Variants in ADORA2B observed in about 807,000 individuals in gnomAD.
ADORA2B encodes the protein adenosine receptor A2b.
In ADORA2B, 18 loss-of-function variants were observed where a neutral mutation model predicts 20.8. The ratio of observed to expected loss-of-function variants is 0.87; its 90% CI spans 0.60 to 1.29. The LOEUF (loss-of-function observed/expected upper bound fraction) is 1.29. Among genes scored for constraint, ADORA2B ranks in the 50% most tolerant of loss-of-function variants. The probability of loss-of-function intolerance (pLI) is 0.00; values close to 1 mark genes in which losing one functional copy is unlikely to be tolerated. For missense variants in ADORA2B, 441 were observed against 422.7 expected (o/e 1.04, Z -0.38); for synonymous variants, 179 against 178.3 (o/e 1.00, Z -0.03).
intron 1 of ADORA2B, among the ~76,000 whole-genome samples, chr17:15,960,963 T>G (rs563604890): frequency 6.7e-5 from 10 of 149,132 alleles, no homozygotes; most frequent in Non-Finnish European, 1.5e-4. Flanking sequence ...TTCAGGAGAT[T>G]GAGACCATCC....
chr17:15,876,941 TC>T, the ADORA2B span, among the ~76,000 whole-genome samples: 1 of 152,190 alleles, frequency 6.6e-6, no homozygotes, highest in Non-Finnish European at 1.5e-5. Context: ...CAGCCACCAT[TC>T]TACTTTGTAT....
the ADORA2B span, among the ~76,000 whole-genome samples, chr17:15,911,300 T>C: frequency 6.6e-6 from 1 of 152,262 alleles, no homozygotes; most frequent in Non-Finnish European, 1.5e-5. Flanking sequence ...GCTTCTACTT[T>C]GCCTGCTATT....
At chr17:15,960,667 C>G (rs904947878) in intron 1 of ADORA2B, among the ~76,000 whole-genome samples, 1 of 150,804 alleles carries the variant, frequency 6.6e-6, no homozygotes, top group Non-Finnish European at 1.5e-5. Context: ...GTCAGGAGAT[C>G]GAGACCATCC....
chr17:15,962,493 G>A (rs1410426875), intron 1 of ADORA2B, among the ~76,000 whole-genome samples: 1 of 151,504 alleles, frequency 6.6e-6, no homozygotes, highest in Non-Finnish European at 1.5e-5. Context: ...TTCATTAAAC[G>A]AGTTATAATC....
intron 1 of ADORA2B, among the ~76,000 whole-genome samples, chr17:15,963,987 C>T (rs934542965): frequency 6.6e-6 from 1 of 152,198 alleles, no homozygotes; most frequent in African/African-American, 2.4e-5. Flanking sequence ...GCCAGAGCAG[C>T]CCGGGGCCAG....
the ADORA2B span, among the ~76,000 whole-genome samples, chr17:15,897,794 A>G: frequency 6.6e-6 from 1 of 152,186 alleles, no homozygotes; most frequent in Non-Finnish European, 1.5e-5. Context: ...AATCTAAGAA[A>G]TGAGAAAGTG....
At chr17:15,864,629 G>A in the ADORA2B span, among the ~76,000 whole-genome samples, 1 of 152,236 alleles carries the variant, frequency 6.6e-6, no homozygotes, top group East Asian at 1.9e-4. Flanking sequence ...GGTAGAGAAC[G>A]TGAGGGGGAG....
At chr17:15,872,300 C>A in the ADORA2B span, among the ~76,000 whole-genome samples, 2 of 152,156 alleles carry the variant, frequency 1.3e-5, no homozygotes, top group Non-Finnish European at 2.9e-5. Flanking sequence ...ATACCAGTAC[C>A]ATGCCGTTTT....
chr17:15,905,565 A>G, the ADORA2B span, among the ~76,000 whole-genome samples: 1 of 151,208 alleles, frequency 6.6e-6, no homozygotes, highest in Admixed American at 6.6e-5. Flanking sequence ...TATTTTTAGT[A>G]GAGACGGGTT....
the ADORA2B span, among the ~76,000 whole-genome samples, chr17:15,900,337 G>A: frequency 1.1e-4 from 16 of 152,316 alleles, no homozygotes; most frequent in East Asian, 2.9e-3. Flanking sequence ...TCTCCGAATC[G>A]CTTTCCACAG....
chr17:15,930,790 A>C, the ADORA2B span, among the ~76,000 whole-genome samples: 3 of 152,220 alleles, frequency 2.0e-5, no homozygotes, highest in Non-Finnish European at 4.4e-5. Context: ...CCTCAGTCTC[A>C]AGTGCCAAAT....
At chr17:15,858,102 A>G in the ADORA2B span, among the ~76,000 whole-genome samples, 3 of 151,448 alleles carry the variant, frequency 2.0e-5, no homozygotes, top group Non-Finnish European at 4.4e-5. Flanking sequence ...TTCTGTTTTC[A>G]ATTCTTTGGG....
chr17:15,911,984 G>A, the ADORA2B span, among the ~76,000 whole-genome samples: 13 of 152,212 alleles, frequency 8.5e-5, no homozygotes, highest in South Asian at 8.3e-4. Context: ...AGGCCAACGC[G>A]GGTGGATCAC....
chr17:15,874,967 A>T, the ADORA2B span, among the ~76,000 whole-genome samples: 1 of 152,096 alleles, frequency 6.6e-6, no homozygotes. Flanking sequence ...TAAGAGGAGA[A>T]AATGGCATTC....
intron 1 of ADORA2B, among the ~76,000 whole-genome samples, chr17:15,962,814 G>A (rs1230814152): frequency 2.0e-5 from 3 of 152,172 alleles, no homozygotes; most frequent in Non-Finnish European, 2.9e-5. Context: ...CACCGCGCCC[G>A]GCCCCTGTTA....
chr17:15,869,967 G>A, the ADORA2B span, among the ~76,000 whole-genome samples: 1 of 152,122 alleles, frequency 6.6e-6, no homozygotes, highest in African/African-American at 2.4e-5. Context: ...ATTTGAAATA[G>A]TAATGATGTG....
chr17:15,886,721 A>C, the ADORA2B span, among the ~76,000 whole-genome samples: 3 of 130,564 alleles, frequency 2.3e-5, 1 homozygote, highest in Non-Finnish European at 4.9e-5. Flanking sequence ...AGAGGAAGAA[A>C]ATTCCAGGAA....
chr17:15,889,119 C>T, the ADORA2B span, among the ~76,000 whole-genome samples: 10 of 124,020 alleles, frequency 8.1e-5, 2 homozygotes, highest in African/African-American at 2.8e-4. Context: ...CCACCTGCCT[C>T]GGCCTCCCAA....
At chr17:15,927,737 C>A in the ADORA2B span, among the ~76,000 whole-genome samples, 1 of 152,270 alleles carries the variant, frequency 6.6e-6, no homozygotes, top group Middle Eastern at 3.4e-3. Context: ...CCAGCAAGGG[C>A]AGAGCAGATG....
Sources: allele counts gnomAD v4.1 joint callset (sites outside exome capture counted in the v4.1 genomes callset), GRCh38; gene constraint gnomAD v4.1.1; transcripts MANE v1.5; gene names NCBI Gene and HGNC (gene_info 2026-07-23, HGNC 2026-07-21).